MAGI1: variants seen among roughly 807,000 people sequenced by gnomAD.
MAGI1 encodes membrane associated guanylate kinase, WW and PDZ domain containing 1.
A neutral mutation model predicts 139.9 loss-of-function variants in MAGI1; 58 were observed. The ratio of observed to expected loss-of-function variants is 0.41; its 90% CI spans 0.34 to 0.52. The LOEUF (loss-of-function observed/expected upper bound fraction) is 0.52. Among genes scored for constraint, MAGI1 ranks in the 20% least tolerant of loss-of-function variants. The pLI is 0.12. For synonymous variants in MAGI1, 812 were observed against 737.9 expected, an observed-to-expected ratio of 1.10 and a Z score of -1.63; for missense variants, 1,874 against 1,901.6, an observed-to-expected ratio of 0.99 and a Z score of 0.27.
intron 1 of MAGI1, among the ~76,000 whole-genome samples, chr3:65,666,950 A>C (rs959839289): frequency 2.8e-4 from 43 of 152,068 alleles, no homozygotes; most frequent in African/African-American, 1.0e-3. Flanking sequence ...ATCCATCCCA[A>C]ACTAGATGAA....
rs1575587414 is a variant in MAGI1 at position 65,813,115 on chromosome 3, C to G, written c.314-191027G>C. Among the ~76,000 whole-genome samples the G allele has an allele frequency of 1.1e-4, 17 of 152,062 alleles. No individual in the cohort carries two copies. In the South Asian group the frequency reaches 3.5e-3, roughly 32 times the overall value. ...ACAACAGCATTCAAGGAAACGAAAC[C>G]ATCTTCATTCTTCTGAAAGAATCCA... On this transcript the variant is annotated intron_variant, in intron 1 of 22. Transcript: ENST00000402939.
At chr3:65,673,892 C>A (rs2087013799) in intron 1 of MAGI1, among the ~76,000 whole-genome samples, 2 of 152,070 alleles carry the variant, frequency 1.3e-5, no homozygotes, top group South Asian at 4.2e-4. Context: ...TTTTCTCCCT[C>A]ATTCTTCTCA....
intron 1 of MAGI1, among the ~76,000 whole-genome samples, chr3:65,744,330 T>A (rs1186336380): frequency 6.6e-6 from 1 of 152,236 alleles, no homozygotes; most frequent in Non-Finnish European, 1.5e-5. Context: ...GGTTAGACGA[T>A]GTGACTCCAG....
chr3:66,026,780 C>A (rs932528062), intron 1 of MAGI1, among the ~76,000 whole-genome samples: 13 of 151,734 alleles, frequency 8.6e-5, no homozygotes, highest in African/African-American at 2.9e-4. Flanking sequence ...AGCAGCACAC[C>A]GTTTTTTGGC....
At chr3:65,423,419 T>TGATG (rs1946782520) in intron 12 of MAGI1, among the ~76,000 whole-genome samples, 1 of 152,102 alleles carries the variant, frequency 6.6e-6, no homozygotes, top group African/African-American at 2.4e-5. Context: ...CTAATGCTAA[T>TGATG]GATGCACTTA....
chr3:65,974,079 AAAAT>A (rs1264930855), intron 1 of MAGI1, among the ~76,000 whole-genome samples: 1 of 152,110 alleles, frequency 6.6e-6, no homozygotes, highest in African/African-American at 2.4e-5. Flanking sequence ...AAGGTACAGA[AAAAT>A]AAAATCTTTC....
At chr3:65,471,272 T>C (rs984729291) in intron 4 of MAGI1, among the ~76,000 whole-genome samples, 6 of 152,184 alleles carry the variant, frequency 3.9e-5, no homozygotes, top group Non-Finnish European at 8.8e-5. Context: ...ATTATTGACA[T>C]TCTGGTTGAA....
chr3:65,523,992 C>G (rs1028743243), intron 2 of MAGI1, among the ~76,000 whole-genome samples: 2 of 150,750 alleles, frequency 1.3e-5, no homozygotes, highest in East Asian at 3.9e-4. Context: ...GTGTTTGTTA[C>G]AAAGCAAATG....
At chr3:65,538,926 C>G (rs1029036583) in intron 2 of MAGI1, among the ~76,000 whole-genome samples, 1 of 152,012 alleles carries the variant, frequency 6.6e-6, no homozygotes, top group South Asian at 2.1e-4. Flanking sequence ...AAACACATAC[C>G]AACTACCGTC....
At chr3:65,489,592 T>C (rs573244233) in intron 3 of MAGI1, among the ~76,000 whole-genome samples, 19 of 152,250 alleles carry the variant, frequency 1.2e-4, no homozygotes, top group African/African-American at 3.9e-4. Flanking sequence ...GACAGATAGA[T>C]ACATAGATAG....
chr3:65,810,434 A>G (rs992822347), intron 1 of MAGI1, among the ~76,000 whole-genome samples: 1 of 152,266 alleles, frequency 6.6e-6, no homozygotes, highest in South Asian at 2.1e-4. Flanking sequence ...CAGACTGTTA[A>G]ATGAAACATG....
chr3:65,379,083 C>A, intron 17 of MAGI1, 178 bp downstream of exon 17: 4 of 1,360,680 alleles, frequency 2.9e-6, no homozygotes, highest in Non-Finnish European at 3.0e-6. Context: ...TATTCCCAAC[C>A]TTCAAAAGGG....
chr3:66,025,708 G>T (rs1437020737), intron 1 of MAGI1, among the ~76,000 whole-genome samples: 1 of 152,134 alleles, frequency 6.6e-6, no homozygotes, highest in East Asian at 1.9e-4. Context: ...ATGTGTGTGT[G>T]TCTGTGTGTG....
intron 1 of MAGI1, among the ~76,000 whole-genome samples, chr3:66,014,926 C>T (rs1482126283): frequency 6.6e-6 from 1 of 152,160 alleles, no homozygotes; most frequent in South Asian, 2.1e-4. Flanking sequence ...CAGACAAATA[C>T]TACCTTCCCC....
At chr3:65,980,331 G>A (rs1026151672) in intron 1 of MAGI1, among the ~76,000 whole-genome samples, 1 of 152,202 alleles carries the variant, frequency 6.6e-6, no homozygotes, top group East Asian at 1.9e-4. Context: ...GGCAGGCCAA[G>A]GTGAACAGAT....
Position 65,398,413 on chromosome 3 carries a change from T to C in MAGI1, c.2199+3026A>G, listed in dbSNP as rs116566160. On this transcript the variant is annotated intron_variant, in intron 13 of 22. Transcript: ENST00000402939. ...CTACTTGGAAGGCTAAGGCAAGAGA[T>C]TGCTTGGGCCCAGAAGTTCGAGGCT... 5.8e-3 allele frequency among the ~76,000 whole-genome samples: 889 copies of C among 152,136 alleles called. 3 individuals are homozygous for C. Among genetic ancestry groups the C allele is most frequent in the Non-Finnish European group, 9.9e-3 (670 of 67,998 alleles).
intron 2 of MAGI1, among the ~76,000 whole-genome samples, chr3:65,556,466 C>G (rs770053315): frequency 6.1e-4 from 93 of 152,246 alleles, no homozygotes; most frequent in South Asian, 2.9e-3. Flanking sequence ...ATTTCATAAG[C>G]CTGGTCCGCT....
Position 65,354,403 on chromosome 3 carries a change from A to G in MAGI1, c.*1975T>C, listed in dbSNP as rs900006741. On this transcript the variant is annotated 3_prime_UTR_variant, in exon 23 of 23. Coordinates refer to ENST00000402939, the MANE Select transcript of MAGI1 (RefSeq NM_001033057.2). ...TCATTCTAATGTTATGTATAAACCC[A>G]TAAGTCAAATAAAGCTATGAACAAT... 2 of 152,664 alleles carry G rather than the reference A, an allele frequency of 1.3e-5. No homozygotes were observed. Among genetic ancestry groups the G allele is most frequent in the African/African-American group, 2.4e-5 (1 of 41,464 alleles). The allele number at this position is 152,664 out of a possible 1,614,324, so 9.5% of individuals were successfully genotyped here.
At chr3:65,722,583 T>C (rs1026508112) in intron 1 of MAGI1, among the ~76,000 whole-genome samples, 1 of 152,162 alleles carries the variant, frequency 6.6e-6, no homozygotes, top group African/African-American at 2.4e-5. Flanking sequence ...CAGCGAGCCA[T>C]GATCACACCG....
Sources: gnomAD v4.1 joint callset for allele counts (sites outside exome capture counted in the v4.1 genomes callset) on GRCh38, gnomAD v4.1.1 for gene constraint, MANE v1.5 for transcripts, NCBI Gene and HGNC (gene_info 2026-07-23, HGNC 2026-07-21) for gene names.